The following CRPPA variants were observed in gnomAD, a reference collection of about 807,000 sequenced individuals.
CRPPA encodes the protein D-ribitol-5-phosphate cytidylyltransferase.
In CRPPA, 43 loss-of-function variants were observed where a neutral mutation model predicts 52.0. The observed-to-expected ratio is 0.83, with a 90% CI of 0.65 to 1.07. The LOEUF is 1.07. Ranked by LOEUF, CRPPA falls within the 50% of genes least tolerant of loss-of-function variation. CRPPA has a pLI of 0.00. For synonymous variants in CRPPA, 250 were observed against 203.5 expected (o/e 1.23, Z -1.94); for missense variants, 629 against 551.7 (o/e 1.14, Z -1.40).
chr7:16,292,094 CCAAA>C (rs1784575958), intron 5 of CRPPA, among the ~76,000 whole-genome samples: 1 of 151,830 alleles, frequency 6.6e-6, no homozygotes, highest in Non-Finnish European at 1.5e-5. Flanking sequence ...CCATTGTGTA[CCAAA>C]ATCAAAGTCA....
intron 9 of CRPPA, among the ~76,000 whole-genome samples, chr7:16,129,605 T>C (rs1216251390): frequency 6.6e-6 from 1 of 152,086 alleles, no homozygotes; most frequent in African/African-American, 2.4e-5. Flanking sequence ...CAGAATTCCA[T>C]CCTGAATATG....
chr7:16,131,625 T>C (rs1163010030), intron 9 of CRPPA, among the ~76,000 whole-genome samples: 1 of 152,132 alleles, frequency 6.6e-6, no homozygotes, highest in Non-Finnish European at 1.5e-5. Flanking sequence ...CTTTATCCCC[T>C]AGGTTGGAGT....
chr7:16,219,106 T>G (rs374137749), intron 8 of CRPPA, among the ~76,000 whole-genome samples: 2 of 152,116 alleles, frequency 1.3e-5, no homozygotes, highest in African/African-American at 4.8e-5. Flanking sequence ...CAGACCACAG[T>G]GCAATCAAAC....
chr7:16,316,781 C>T (rs1031799070), intron 3 of CRPPA, among the ~76,000 whole-genome samples: 9 of 151,938 alleles, frequency 5.9e-5, no homozygotes, highest in East Asian at 1.9e-4. Context: ...CACTTGAGCC[C>T]GGGAGTTCGA....
intron 5 of CRPPA, among the ~76,000 whole-genome samples, chr7:16,299,295 G>A (rs1784739985): frequency 6.6e-6 from 1 of 152,124 alleles, no homozygotes. Flanking sequence ...GTAATCTCAG[G>A]TGAGCAAACA....
At chr7:16,096,974 A>G (rs1199444652) in intron 9 of CRPPA, among the ~76,000 whole-genome samples, 1 of 152,176 alleles carries the variant, frequency 6.6e-6, no homozygotes, top group Non-Finnish European at 1.5e-5. Context: ...TTATTCTTGG[A>G]GGAAAAACAA....
chr7:16,316,646 G>T (rs1434923888), intron 3 of CRPPA, among the ~76,000 whole-genome samples: 1 of 152,054 alleles, frequency 6.6e-6, no homozygotes, highest in African/African-American at 2.4e-5. Context: ...ACCATCGCTT[G>T]AGGCCAGGAG....
intron 8 of CRPPA, among the ~76,000 whole-genome samples, chr7:16,226,742 T>C (rs1415410391): frequency 6.6e-6 from 1 of 151,958 alleles, no homozygotes; most frequent in East Asian, 1.9e-4. Flanking sequence ...TTCTGAAGCA[T>C]ACATTAGTTA....
At position 16,286,390 on chromosome 7, in the gene CRPPA, T is replaced by C. The variant is rs934135497; in HGVS notation, c.836-8164A>G. Among the ~76,000 whole-genome samples, 8 of 152,052 alleles carry C rather than the reference T, an allele frequency of 5.3e-5. No individual in the cohort carries two copies. In the South Asian group the frequency reaches 1.0e-3, roughly 20 times the overall value. On this transcript the variant is annotated intron_variant, in intron 5 of 9. Coordinates refer to ENST00000407010, the MANE Select transcript of CRPPA (RefSeq NM_001101426.4). Reference sequence around the variant, plus strand: ...AGCCTCCATAAGTTCATGAGCCAAATGTTTATCTGTATTCATATCTATATC... The same window carrying C: ...AGCCTCCATAAGTTCATGAGCCAAACGTTTATCTGTATTCATATCTATATC...
intron 6 of CRPPA, chr7:16,261,824 C>G (rs1389099369): frequency 6.6e-6 from 1 of 152,086 alleles, no homozygotes; most frequent in African/African-American, 2.4e-5. Flanking sequence ...GTTTCCCCCA[C>G]CTACCCCGCC....
At chr7:16,180,364 G>T (rs17169309) in intron 9 of CRPPA, among the ~76,000 whole-genome samples, 3,331 of 152,076 alleles carry the variant, frequency 0.022, 129 homozygotes, top group African/African-American at 0.076. Flanking sequence ...CTCTTAATTA[G>T]TAACAAAACT....
intron 9 of CRPPA, among the ~76,000 whole-genome samples, chr7:16,124,428 G>T (rs1226587612): frequency 6.6e-6 from 1 of 152,142 alleles, no homozygotes. Flanking sequence ...TCTGTCACTT[G>T]TGGATAACAT....
Position 16,307,599 on chromosome 7 carries a change from G to C in CRPPA, c.789+924C>G, listed in dbSNP as rs1784939304. On this transcript the variant is annotated intron_variant, in intron 4 of 9. Transcript: ENST00000407010. ...GGAGGCTGGGACAGGAGAATTGCTT[G>C]AAATTTGGAGGTGGAGGTTACAATG... 2.2e-5 allele frequency among the ~76,000 whole-genome samples: 3 copies of C among 135,644 alleles called. No individual in the cohort carries two copies. The South Asian group carries it at 7.6e-4, about 34-fold the overall frequency. The allele number at this position is 135,644 out of a possible 152,430, so 89.0% of individuals were successfully genotyped here.
chr7:16,099,822 C>T (rs1313206254), intron 9 of CRPPA, among the ~76,000 whole-genome samples: 1 of 152,156 alleles, frequency 6.6e-6, no homozygotes, highest in East Asian at 1.9e-4. Flanking sequence ...AAAGCAGTGT[C>T]ATATACAACA....
At chr7:16,175,456 T>C (rs143098692) in intron 9 of CRPPA, among the ~76,000 whole-genome samples, 87 of 152,252 alleles carry the variant, frequency 5.7e-4, no homozygotes, top group African/African-American at 2.0e-3. Context: ...GCATGCATTA[T>C]TCCAGCTCAC....
At chr7:16,311,675 T>C (rs756289911) in intron 3 of CRPPA, among the ~76,000 whole-genome samples, 3 of 152,104 alleles carry the variant, frequency 2.0e-5, no homozygotes, top group Non-Finnish European at 4.4e-5. Flanking sequence ...TTGGGTCTTA[T>C]GGTAAGAGTA....
intron 2 of CRPPA, among the ~76,000 whole-genome samples, chr7:16,384,722 A>G (rs1035773168): frequency 1.3e-5 from 2 of 152,198 alleles, no homozygotes; most frequent in Non-Finnish European, 2.9e-5. Flanking sequence ...AGTAAAAGAC[A>G]TCACTAAAAT....
At chr7:16,107,002 C>A (rs1014321671) in intron 9 of CRPPA, among the ~76,000 whole-genome samples, 1 of 151,592 alleles carries the variant, frequency 6.6e-6, no homozygotes, top group African/African-American at 2.4e-5. Flanking sequence ...TCAAAAGAAA[C>A]CTTCAACAGC....
Position 16,278,210 on chromosome 7 carries a change from C to G in CRPPA, c.852G>C (p.Glu284Asp). ...ESIIKERISQ[E>D]ICVVMDTEED... ...CTTCTGTATCCATAACTACACAAAT[C>G]TCTTGGGAAATTCTCTCTGAAATTA... The change falls in exon 6 of 10, where the codon GAG (glutamate) becomes GAC (aspartate). Residue 284 changes from glutamate to aspartate, a missense_variant. Physicochemically the swap from Glu to Asp is conservative, Grantham distance 45. Transcript: ENST00000407010. 1 of 1,556,006 alleles carries G rather than the reference C, an allele frequency of 6.4e-7. No individual in the cohort carries two copies.
Sources: gnomAD v4.1 joint callset for allele counts (sites outside exome capture counted in the v4.1 genomes callset) on GRCh38, gnomAD v4.1.1 for gene constraint, MANE v1.5 for transcripts, NCBI Gene and HGNC (gene_info 2026-07-23, HGNC 2026-07-21) for gene names.